Variants in EIF3L observed in about 807,000 individuals in gnomAD.
EIF3L encodes the protein eukaryotic translation initiation factor 3 subunit L, also known as eIEF associated protein HSPC021.
A neutral mutation model predicts 74.6 loss-of-function variants in EIF3L; 32 were observed. The observed-to-expected ratio is 0.43, with a 90% CI of 0.32 to 0.58. The LOEUF (loss-of-function observed/expected upper bound fraction) is 0.58, where lower values mean the gene tolerates loss of function less well. Among genes scored for constraint, EIF3L ranks in the 20% least tolerant of loss-of-function variants. The pLI, the probability that EIF3L is intolerant of heterozygous loss-of-function variation, is 0.06. For synonymous variants in EIF3L, 256 were observed against 254.4 expected, an observed-to-expected ratio of 1.01 and a Z score of -0.06; for missense variants, 474 against 707.8, an observed-to-expected ratio of 0.67 and a Z score of 3.75.
chr22:37,868,494 C>T (rs1926288228), intron 7 of EIF3L, among the ~76,000 whole-genome samples: 1 of 151,538 alleles, frequency 6.6e-6, no homozygotes, highest in African/African-American at 2.4e-5. Context: ...TGCTCTGTCA[C>T]CTAGGCTGGA....
At position 37,849,941 on chromosome 22, in the gene EIF3L, C is replaced by T. The variant is rs947502855; in HGVS notation, c.34-74C>T. ...TCTGTATCCTTAGCTCTCTGCTTGG[C>T]ATCTAGACTCTAGGATGAGCGTTTT... On this transcript the variant is annotated intron_variant, in intron 1 of 12. Transcript: ENST00000652021. 8 of 1,528,358 alleles carry T rather than the reference C, an allele frequency of 5.2e-6. No individual in the cohort carries two copies. In the African/African-American group the frequency reaches 5.5e-5, roughly 10 times the overall value. The allele number at this position is 1,528,358 out of a possible 1,614,324, so 94.7% of individuals were successfully genotyped here.
chr22:37,875,777 C>T, intron 9 of EIF3L, 64 bp from the exon 10 acceptor site: 4 of 1,511,042 alleles, frequency 2.6e-6, no homozygotes, highest in Non-Finnish European at 3.6e-6. Flanking sequence ...CTTGGTGTTT[C>T]TACCTCTGGT....
At chr22:37,856,055 TTTA>T (rs1431755163) in intron 4 of EIF3L, among the ~76,000 whole-genome samples, 1 of 151,668 alleles carries the variant, frequency 6.6e-6, no homozygotes, top group African/African-American at 2.4e-5. Flanking sequence ...TTTATTTTAT[TTTA>T]TTATTATTAT....
intron 2 of EIF3L, chr22:37,850,481 C>A: frequency 4.7e-6 from 1 of 212,420 alleles, no homozygotes; most frequent in South Asian, 4.9e-5. Context: ...GGATTACAGG[C>A]GCCCACCACC....
intron 11 of EIF3L, chr22:37,883,016 G>A (rs1601784113): frequency 6.7e-6 from 1 of 149,846 alleles, no homozygotes; most frequent in African/African-American, 2.5e-5. Context: ...ATAAAAAAAG[G>A]CTGGGCATGG....
chr22:37,884,411 AT>A (rs1326564659), intron 11 of EIF3L: 1 of 151,970 alleles, frequency 6.6e-6, no homozygotes, highest in Non-Finnish European at 1.5e-5. Flanking sequence ...GTGTGAACAT[AT>A]GTTTTTAATT....
chr22:37,884,794 G>A (rs1927232519), intron 11 of EIF3L: 1 of 151,296 alleles, frequency 6.6e-6, no homozygotes, highest in African/African-American at 2.4e-5. Context: ...TCTTACCACT[G>A]CAGTGCAGCC....
At chr22:37,884,351 CTT>C (rs935611170) in intron 11 of EIF3L, 1 of 151,894 alleles carries the variant, frequency 6.6e-6, no homozygotes, top group African/African-American at 2.4e-5. Context: ...CCTTTTTTCA[CTT>C]TTTGGCTTAT....
intron 2 of EIF3L, 26 bp from the exon 3 acceptor site, chr22:37,851,249 ATACTC>A: frequency 6.3e-7 from 1 of 1,595,904 alleles, no homozygotes; most frequent in Non-Finnish European, 8.6e-7. Context: ...GGGTTTGAGC[ATACTC>A]TGTATTTGTT....
chr22:37,865,000 C>T (rs8142345), intron 7 of EIF3L, among the ~76,000 whole-genome samples: 8,289 of 152,224 alleles, frequency 0.054, 742 homozygotes, highest in African/African-American at 0.19. Flanking sequence ...AATTAATACA[C>T]GTTGCCTGTT....
At chr22:37,886,663 C>G in intron 11 of EIF3L, 102 bp from the exon 12 acceptor site, 6 of 884,492 alleles carry the variant, frequency 6.8e-6, no homozygotes, top group Middle Eastern at 3.4e-4. Context: ...TTACATCTAA[C>G]ACTCACCATC....
At chr22:37,858,170 T>C (rs1306977102) in intron 4 of EIF3L, among the ~76,000 whole-genome samples, 1 of 150,788 alleles carries the variant, frequency 6.6e-6, no homozygotes, top group African/African-American at 2.4e-5. Flanking sequence ...AGCGAGACCC[T>C]GTCTTCAAAC....
intron 8 of EIF3L, among the ~76,000 whole-genome samples, chr22:37,872,777 C>T (rs955755975): frequency 6.6e-6 from 1 of 151,982 alleles, no homozygotes; most frequent in Admixed American, 6.6e-5. Context: ...CACCACCATA[C>T]CTGGCTGATT....
intron 2 of EIF3L, among the ~76,000 whole-genome samples, chr22:37,850,326 T>C (rs949312035): frequency 1.3e-5 from 2 of 151,672 alleles, no homozygotes; most frequent in Non-Finnish European, 2.9e-5. Flanking sequence ...AAAAGCTTTT[T>C]TGTTTTTGTT....
At chr22:37,854,108 A>T (rs1474751792) in intron 3 of EIF3L, among the ~76,000 whole-genome samples, 1 of 152,236 alleles carries the variant, frequency 6.6e-6, no homozygotes, top group Non-Finnish European at 1.5e-5. Flanking sequence ...CTGGTGCCTT[A>T]AGAAGTATGT....
At chr22:37,888,383 G>A in intron 12 of EIF3L, 43 bp from the exon 13 acceptor site, 1 of 1,609,218 alleles carries the variant, frequency 6.2e-7, no homozygotes, top group Non-Finnish European at 8.5e-7. Flanking sequence ...GAAAGGGGTT[G>A]GGGAAATCCC....
chr22:37,878,162 C>A lies in EIF3L; in HGVS notation c.1566C>A (p.Tyr522Ter). 6.2e-7 allele frequency: 1 copy of A among 1,607,408 alleles called. No individual in the cohort carries two copies. Among genetic ancestry groups the A allele is most frequent in the Non-Finnish European group, 8.5e-7 (1 of 1,175,854 alleles). ...EFQSASEVDF[Y>*]IDKDMIHIAD... ...AGTCAGCCTCAGAGGTTGACTTCTACATTGATAAGGTATGCCTGTCCCCTG... is the reference window on the plus strand; with the variant it reads ...AGTCAGCCTCAGAGGTTGACTTCTAAATTGATAAGGTATGCCTGTCCCCTG... The change falls in exon 11 of 13, where the codon TAC (tyrosine) becomes TAA (stop). Residue 522 changes from tyrosine (Y) to a stop codon, truncating the protein, a stop_gained. Transcript: ENST00000652021. LOFTEE classifies it high-confidence loss of function.
In EIF3L at chr22:37,858,683, TG is replaced by T. The variant is rs1925675603; in HGVS notation, c.379del (p.Val127SerfsTer3). On this transcript the variant is annotated frameshift_variant, in exon 5 of 13. Coordinates refer to ENST00000652021, the MANE Select transcript of EIF3L (RefSeq NM_016091.4). LOFTEE classifies it high-confidence loss of function. ...AIAPQVGNDA[V>X]FLILYKELYY... Reference sequence around the variant, plus strand: ...CCCTTCTGCCATCTCTTTCAGATGCTGTCTTCCTGATTTTATACAAAGAATT... The same window carrying T: ...CCCTTCTGCCATCTCTTTCAGATGCTTCTTCCTGATTTTATACAAAGAATT... The T allele has an allele frequency of 6.2e-7, 1 of 1,611,588 alleles. No homozygotes were observed. The highest frequency in any genetic ancestry group is 8.5e-7 in the Non-Finnish European group (1 of 1,179,362).
intron 11 of EIF3L, chr22:37,882,904 G>C (rs557665850): frequency 2.0e-5 from 3 of 151,872 alleles, no homozygotes; most frequent in African/African-American, 7.3e-5. Context: ...GGAGGCTGAG[G>C]CAGGAGACTT....
Sources: allele counts gnomAD v4.1 joint callset (sites outside exome capture counted in the v4.1 genomes callset), GRCh38; gene constraint gnomAD v4.1.1; transcripts MANE v1.5; gene names NCBI Gene and HGNC (gene_info 2026-07-23, HGNC 2026-07-21).